Variants in RBFOX1 observed in about 807,000 individuals in gnomAD.
RBFOX1 encodes the protein RNA binding fox-1 homolog 1, also known as RNA binding protein fox-1 homolog 1.
In RBFOX1, 8 loss-of-function variants were observed where a neutral mutation model predicts 57.7. The observed-to-expected ratio is 0.14, with a 90% CI of 0.08 to 0.25. The LOEUF (loss-of-function observed/expected upper bound fraction) is 0.25, where lower values mean the gene tolerates loss of function less well. Ranked by LOEUF, RBFOX1 falls within the 10% of genes least tolerant of loss-of-function variation. The probability of loss-of-function intolerance (pLI) is 1.00; values close to 1 mark genes in which losing one functional copy is unlikely to be tolerated. For missense variants in RBFOX1, 611 were observed against 548.5 expected, an observed-to-expected ratio of 1.11 and a Z score of -1.14; for synonymous variants, 326 against 222.4, an observed-to-expected ratio of 1.47 and a Z score of -4.15.
rs142263635 is a variant in RBFOX1 at position 6,518,415 on chromosome 16, A to G, written c.-63-136188A>G. On this transcript the variant is annotated intron_variant, in intron 2 of 15. Coordinates refer to ENST00000550418, the MANE Select transcript of RBFOX1 (RefSeq NM_018723.4). ...TCATGGGGAAAGAAAAAGTGCACCA[A>G]TCAGGGGCCAGGTGATGACCGTGTG... 1.4e-3 allele frequency among the ~76,000 whole-genome samples: 211 copies of G among 152,250 alleles called. 2 individuals are homozygous for G. In the East Asian group the frequency reaches 0.025, roughly 18 times the overall value.
At chr16:6,447,183 CCTAT>C (rs2153037846) in intron 2 of RBFOX1, among the ~76,000 whole-genome samples, 1 of 152,190 alleles carries the variant, frequency 6.6e-6, no homozygotes, top group African/African-American at 2.4e-5. Flanking sequence ...ATGTACATTT[CCTAT>C]CTGTGTTTGT....
chr16:6,790,152 C>G (rs970758686), intron 3 of RBFOX1, among the ~76,000 whole-genome samples: 1 of 123,782 alleles, frequency 8.1e-6, no homozygotes. Flanking sequence ...CTCTTAGATT[C>G]TGGATTTTAT....
intron 14 of RBFOX1, among the ~76,000 whole-genome samples, chr16:7,694,504 A>AC (rs1212793493): frequency 6.6e-6 from 1 of 152,218 alleles, no homozygotes; most frequent in Non-Finnish European, 1.5e-5. Flanking sequence ...TTAAAGTCTT[A>AC]CCTGGTGAGT....
intron 1 of RBFOX1, among the ~76,000 whole-genome samples, chr16:5,414,486 C>G (rs540771704): frequency 2.6e-4 from 39 of 152,270 alleles, no homozygotes; most frequent in African/African-American, 9.1e-4. Context: ...TGCTATGAGC[C>G]TCTGCCTGTG....
intron 4 of RBFOX1, among the ~76,000 whole-genome samples, chr16:5,874,290 A>C (rs1369924): frequency 0.13 from 19,324 of 152,168 alleles, 1,630 homozygotes; most frequent in Non-Finnish European, 0.18. Context: ...TCTGGCTTGA[A>C]GGAAAGGCAG....
At chr16:6,397,336 C>T (rs577325452) in intron 2 of RBFOX1, among the ~76,000 whole-genome samples, 6 of 152,024 alleles carry the variant, frequency 3.9e-5, no homozygotes, top group East Asian at 1.9e-4. Context: ...TAGTGATATC[C>T]GTGATGGTCA....
rs377715987 is a variant in RBFOX1, at chr16:5,708,461, A to T, written c.318+109500A>T. ...TAATCTGTACAAACATTTAATTTAT[A>T]ATTTCAGGCTATTAGTAGATCCACC... On this transcript the variant is annotated intron_variant, in intron 3 of 19. Coordinates refer to the RBFOX1 transcript ENST00000641259. 1.9e-4 allele frequency among the ~76,000 whole-genome samples: 29 copies of T among 152,300 alleles called. No individual in the cohort carries two copies. In the South Asian group the frequency reaches 5.8e-3, roughly 30 times the overall value.
intron 1 of RBFOX1, among the ~76,000 whole-genome samples, chr16:5,314,969 C>T (rs1047684284): frequency 3.3e-5 from 5 of 151,870 alleles, no homozygotes; most frequent in South Asian, 2.1e-4. Flanking sequence ...TGAAAGTGCC[C>T]GAGGACCACA....
chr16:7,688,260 T>A (rs4035360), intron 14 of RBFOX1, among the ~76,000 whole-genome samples: 97,093 of 125,216 alleles, frequency 0.78, 38,448 homozygotes, highest in East Asian at 0.93. Context: ...TGTGTGTGTG[T>A]GAGAGAGAGA....
At chr16:6,323,905 TGGTATTATA>T (rs2082082738) in intron 2 of RBFOX1, among the ~76,000 whole-genome samples, 2 of 152,110 alleles carry the variant, frequency 1.3e-5, no homozygotes, top group Admixed American at 1.3e-4. Context: ...CTCAAGTAGC[TGGTATTATA>T]GGTGTGTGCC....
rs140212521 is a variant in RBFOX1, at chr16:6,365,544, A to G, written c.-64+48487A>G. Among the ~76,000 whole-genome samples, 239 of 152,282 alleles carry G rather than the reference A, an allele frequency of 1.6e-3. 5 individuals carry two copies. In the East Asian group the frequency reaches 0.042, roughly 26 times the overall value. ...TTTAAATTCTTAATAGGTACATCTT[A>G]TGCTCTTCATGTCTCTTTCTCTGGG... On this transcript the variant is annotated intron_variant, in intron 2 of 15. Transcript: ENST00000550418.
chr16:6,229,165 G>A (rs1056126677), intron 1 of RBFOX1, among the ~76,000 whole-genome samples: 5 of 152,042 alleles, frequency 3.3e-5, no homozygotes, highest in South Asian at 4.2e-4. Context: ...TTTACCCCCC[G>A]AGACTATAAT....
At chr16:6,256,069 T>G (rs1480283769) in intron 1 of RBFOX1, among the ~76,000 whole-genome samples, 1 of 147,588 alleles carries the variant, frequency 6.8e-6, no homozygotes, top group Non-Finnish European at 1.5e-5. Context: ...AGTAAATAAA[T>G]AAATGGAAAA....
At chr16:5,659,917 C>G (rs1468108128) in intron 3 of RBFOX1, among the ~76,000 whole-genome samples, 1 of 152,148 alleles carries the variant, frequency 6.6e-6, no homozygotes, top group Non-Finnish European at 1.5e-5. Context: ...AGGTGTGCTG[C>G]TGGATCTTGT....
intron 4 of RBFOX1, among the ~76,000 whole-genome samples, chr16:6,010,320 A>G (rs2094954022): frequency 6.6e-6 from 1 of 152,192 alleles, no homozygotes. Context: ...GAAACTGGTG[A>G]ATGTACATTC....
intron 2 of RBFOX1, among the ~76,000 whole-genome samples, chr16:6,538,937 G>A (rs1473206230): frequency 1.3e-5 from 2 of 152,118 alleles, no homozygotes; most frequent in Non-Finnish European, 2.9e-5. Flanking sequence ...GTGCCAGGTT[G>A]GAAAGGGAAG....
intron 3 of RBFOX1, among the ~76,000 whole-genome samples, chr16:5,648,249 G>T (rs1290474008): frequency 6.6e-6 from 1 of 152,186 alleles, no homozygotes; most frequent in Non-Finnish European, 1.5e-5. Flanking sequence ...TGTGTCAGAG[G>T]TTCTCAAGTT....
chr16:5,340,675 A>G (rs1031898113), intron 1 of RBFOX1, among the ~76,000 whole-genome samples: 1 of 152,244 alleles, frequency 6.6e-6, no homozygotes. Context: ...GCATATAGAC[A>G]TGGAGCAGCA....
At chr16:6,649,770 A>T (rs1034318916) in intron 2 of RBFOX1, among the ~76,000 whole-genome samples, 2 of 152,164 alleles carry the variant, frequency 1.3e-5, no homozygotes, top group Non-Finnish European at 2.9e-5. Context: ...TATATATAAG[A>T]TGTAGTATTC....
Sources: gnomAD v4.1 joint callset for allele counts (sites outside exome capture counted in the v4.1 genomes callset) on GRCh38, gnomAD v4.1.1 for gene constraint, MANE v1.5 for transcripts, NCBI Gene and HGNC (gene_info 2026-07-23, HGNC 2026-07-21) for gene names.